INPP5D: variants seen among roughly 807,000 people sequenced by gnomAD.
The protein encoded by INPP5D is inositol polyphosphate-5-phosphatase D.
In INPP5D, 33 loss-of-function variants were observed where a neutral mutation model predicts 122.9. That is an observed-to-expected ratio of 0.27 (90% confidence interval 0.20 to 0.36). The LOEUF (loss-of-function observed/expected upper bound fraction) is 0.36, where lower values mean the gene tolerates loss of function less well. Among genes scored for constraint, INPP5D ranks in the 10% least tolerant of loss-of-function variants. The pLI is 1.00. For missense variants in INPP5D, 1,053 were observed against 1,412.7 expected, an observed-to-expected ratio of 0.75 and a Z score of 4.08; for synonymous variants, 584 against 576.2, an observed-to-expected ratio of 1.01 and a Z score of -0.19.
In INPP5D at chr2:233,198,362, G is replaced by A; in HGVS notation, c.2961G>A (p.Arg987=). 1 of 1,611,520 alleles carries A rather than the reference G, an allele frequency of 6.2e-7. No individual in the cohort carries two copies. Residue 987 remains arginine (R), a synonymous_variant, in exon 25 of 27, where the codon AGG becomes AGA. Transcript: ENST00000445964. ...CAGCAAACCGGGGTCTCCCTCCCAG[G>A]ACACAGGAGTCAAGGTGAGCATCCT... The part of the protein sequence containing the change: ...PSTANRGLPP[R]TQESRPSDLG...
intron 2 of INPP5D, among the ~76,000 whole-genome samples, chr2:233,119,954 T>C (rs1385516252): frequency 6.6e-6 from 1 of 152,212 alleles, no homozygotes; most frequent in Non-Finnish European, 1.5e-5. Context: ...CCAGTAGATA[T>C]CTGACTTGGA....
At position 233,115,796 on chromosome 2, in the gene INPP5D, A is replaced by G. The variant is rs1692771277; in HGVS notation, c.199-6311A>G. ...CAGTGGTGGGGGCTGCCATTATGTC[A>G]TTATGTTTGCAACCAAACTTCTCTG... On this transcript the variant is annotated intron_variant, in intron 2 of 26. Transcript: ENST00000445964. 4.6e-5 allele frequency among the ~76,000 whole-genome samples: 7 copies of G among 152,146 alleles called. No individual in the cohort carries two copies. The South Asian group carries it at 1.4e-3, about 32-fold the overall frequency.
chr2:233,130,696 G>C, intron 5 of INPP5D, 48 bp downstream of exon 5: 1 of 1,604,924 alleles, frequency 6.2e-7, no homozygotes, highest in Non-Finnish European at 8.5e-7. Flanking sequence ...GCCACCAGGT[G>C]AGAGAAACAG....
chr2:233,098,831 G>T (rs1396489008), intron 2 of INPP5D, among the ~76,000 whole-genome samples: 1 of 152,196 alleles, frequency 6.6e-6, no homozygotes, highest in Non-Finnish European at 1.5e-5. Context: ...AGTGGCACCA[G>T]GGGGCGCCCA....
chr2:233,168,558 AGGCAT>A (rs1694405919), intron 13 of INPP5D, among the ~76,000 whole-genome samples: 1 of 152,266 alleles, frequency 6.6e-6, no homozygotes, highest in Non-Finnish European at 1.5e-5. Flanking sequence ...AGAAGTCAAT[AGGCAT>A]GGCTGTGTTC....
rs575465592 is a variant in INPP5D, at chr2:233,157,661, A to G, written c.1031-652A>G. Among the ~76,000 whole-genome samples, 4 of 3,158 alleles carry G rather than the reference A, an allele frequency of 1.3e-3. No homozygotes were observed. In the South Asian group the frequency reaches 0.18, roughly 144 times the overall value. 2.1% of individuals were successfully genotyped at this position (3,158 alleles called of 152,430 possible). On this transcript the variant is annotated intron_variant, in intron 9 of 26. Coordinates refer to ENST00000445964, the MANE Select transcript of INPP5D (RefSeq NM_001017915.3). The stretch of plus-strand genomic sequence containing the variant: ...GGGGAGCAGGTTGTGTGTGTGAAAG[A>G]AATTTCAACCTCATCTTCCATAGTG...
At chr2:233,064,351 G>T (rs996906006) in intron 1 of INPP5D, among the ~76,000 whole-genome samples, 2 of 152,228 alleles carry the variant, frequency 1.3e-5, no homozygotes, top group Admixed American at 6.5e-5. Context: ...CTCCACATGT[G>T]GCCTTCCACA....
chr2:233,086,906 G>A (rs193045107), intron 2 of INPP5D, among the ~76,000 whole-genome samples: 3 of 152,136 alleles, frequency 2.0e-5, no homozygotes, highest in Non-Finnish European at 2.9e-5. Flanking sequence ...CCTGTGTCGT[G>A]TTTCTGGGAC....
At chr2:233,143,230 A>G (rs1693666301) in intron 6 of INPP5D, among the ~76,000 whole-genome samples, 1 of 152,158 alleles carries the variant, frequency 6.6e-6, no homozygotes, top group Non-Finnish European at 1.5e-5. Context: ...AAGCTCCAGC[A>G]TTTTTCTAAT....
intron 6 of INPP5D, chr2:233,145,163 CAT>C (rs1441321446): frequency 4.4e-6 from 2 of 453,796 alleles, no homozygotes; most frequent in Admixed American, 4.7e-5. Context: ...GCATGTCTAA[CAT>C]AGAATAGATG....
intron 2 of INPP5D, among the ~76,000 whole-genome samples, chr2:233,098,580 T>C (rs575506377): frequency 9.1e-4 from 139 of 152,310 alleles, no homozygotes; most frequent in African/African-American, 3.0e-3. Flanking sequence ...AGGAGATACA[T>C]GGAAGCCTCA....
chr2:233,171,906 T>C (rs1290798503), intron 17 of INPP5D, among the ~76,000 whole-genome samples: 1 of 152,204 alleles, frequency 6.6e-6, no homozygotes, highest in African/African-American at 2.4e-5. Context: ...CCAGGCCCAC[T>C]AGAAGCCTAG....
intron 1 of INPP5D, among the ~76,000 whole-genome samples, chr2:233,076,051 T>C (rs1419853558): frequency 1.3e-5 from 2 of 152,206 alleles, no homozygotes; most frequent in African/African-American, 4.8e-5. Flanking sequence ...AAGCCTTTCC[T>C]GTTCTGTGCG....
intron 5 of INPP5D, among the ~76,000 whole-genome samples, chr2:233,137,968 T>TG (rs1693535076): frequency 2.1e-5 from 3 of 140,110 alleles, no homozygotes; most frequent in African/African-American, 5.1e-5. Context: ...TATATTATAA[T>TG]ATAATGAGAT....
rs1041744645 is a variant in INPP5D at position 233,102,869 on chromosome 2, C to CAAAAAAAAAAA, written c.199-19232_199-19231insAAAAAAAAAAA. On this transcript the variant is annotated intron_variant, in intron 2 of 26. Coordinates refer to ENST00000445964, the MANE Select transcript of INPP5D (RefSeq NM_001017915.3). Reference sequence around the variant, plus strand: ...CGTCTCAAAAAAAAAAAAAAACAACCAAAAAACCACAGCGCCTTCTCACTA... The same window carrying CAAAAAAAAAAA: ...CGTCTCAAAAAAAAAAAAAAACAACCAAAAAAAAAAAAAAAAACCACAGCGCCTTCTCACTA... Among the ~76,000 whole-genome samples the CAAAAAAAAAAA allele has an allele frequency of 1.9e-3, 282 of 145,922 alleles. 5 individuals are homozygous for CAAAAAAAAAAA. The highest frequency in any genetic ancestry group is 7.1e-3 in the African/African-American group (276 of 38,746).
At chr2:233,133,910 C>T (rs112160397) in intron 5 of INPP5D, 358 of 452,830 alleles carry the variant, frequency 7.9e-4, no homozygotes, top group African/African-American at 6.1e-3. Context: ...GCTGAGTCCC[C>T]GGTTATACAC....
chr2:233,113,563 C>T (rs1692691918), intron 2 of INPP5D, among the ~76,000 whole-genome samples: 1 of 152,122 alleles, frequency 6.6e-6, no homozygotes, highest in Admixed American at 6.5e-5. Flanking sequence ...CTGAAGGAGG[C>T]CTCAAAAGCT....
intron 1 of INPP5D, among the ~76,000 whole-genome samples, chr2:233,075,315 C>T (rs4597514): frequency 0.18 from 27,313 of 152,134 alleles, 3,526 homozygotes; most frequent in South Asian, 0.4. Flanking sequence ...TGGGAGGAGT[C>T]TCAGCTGAGA....
chr2:233,169,731 G>A, intron 14 of INPP5D: 1 of 583,632 alleles, frequency 1.7e-6, no homozygotes, highest in Non-Finnish European at 2.9e-6. Flanking sequence ...TGGGGCCCAG[G>A]AATGAAGACA....
Sources: allele counts gnomAD v4.1 joint callset (sites outside exome capture counted in the v4.1 genomes callset), GRCh38; gene constraint gnomAD v4.1.1; transcripts MANE v1.5; gene names NCBI Gene and HGNC (gene_info 2026-07-23, HGNC 2026-07-21).